Variants in NPFFR1 observed in about 807,000 individuals in gnomAD.
NPFFR1 encodes G-protein coupled receptor 147.
In NPFFR1, 17 loss-of-function variants were observed where a neutral mutation model predicts 12.7. The observed-to-expected ratio is 1.34, with a 90% CI of 0.92 to 2.01. The LOEUF (loss-of-function observed/expected upper bound fraction) is 2.01. Among genes scored for constraint, NPFFR1 ranks in the 30% most tolerant of loss-of-function variants. NPFFR1 has a pLI of 0.00. For synonymous variants in NPFFR1, 296 were observed against 264.5 expected, an observed-to-expected ratio of 1.12 and a Z score of -1.16; for missense variants, 604 against 606.5, an observed-to-expected ratio of 1.00 and a Z score of 0.04.
At chr10:70,266,437 G>C (rs916989616) in intron 1 of NPFFR1, 46 bp from the exon 2 acceptor site, 1 of 1,470,340 alleles carries the variant, frequency 6.8e-7, no homozygotes, top group South Asian at 1.3e-5. Context: ...GCAAAGAAGA[G>C]ATTACCGATT....
rs572308261 is a variant in NPFFR1 at position 70,266,895 on chromosome 10, G to T, written c.8-504C>A. On this transcript the variant is annotated intron_variant, in intron 1 of 3. Coordinates refer to ENST00000277942, the MANE Select transcript of NPFFR1 (RefSeq NM_022146.5). Reference sequence around the variant, plus strand: ...CTATAGCCACAGCCTGCTCCTATTGGGTGAGTCCCCTTTCATGGCTCTAGC... The same window carrying T: ...CTATAGCCACAGCCTGCTCCTATTGTGTGAGTCCCCTTTCATGGCTCTAGC... 1.3e-4 allele frequency among the ~76,000 whole-genome samples: 20 copies of T among 152,212 alleles called. No individual in the cohort carries two copies. The South Asian group carries it at 4.1e-3, about 32-fold the overall frequency.
chr10:70,259,286 C>G (rs538253029), intron 3 of NPFFR1, among the ~76,000 whole-genome samples: 4 of 148,308 alleles, frequency 2.7e-5, no homozygotes, highest in South Asian at 4.2e-4. Flanking sequence ...TCTGTCTCCC[C>G]CCTCAAAAAA....
At chr10:70,281,341 TCA>T (rs1840859931) in intron 1 of NPFFR1, among the ~76,000 whole-genome samples, 1 of 152,162 alleles carries the variant, frequency 6.6e-6, no homozygotes, top group Admixed American at 6.5e-5. Context: ...TGCACTTTTC[TCA>T]GAGTGTCCCC....
At chr10:70,268,284 ATG>A (rs1840716133) in intron 1 of NPFFR1, among the ~76,000 whole-genome samples, 1 of 152,258 alleles carries the variant, frequency 6.6e-6, no homozygotes, top group African/African-American at 2.4e-5. Context: ...ACATGAAAAA[ATG>A]TGGTTTCCAT....
At chr10:70,281,157 T>C (rs1465604545) in intron 1 of NPFFR1, among the ~76,000 whole-genome samples, 1 of 152,132 alleles carries the variant, frequency 6.6e-6, no homozygotes, top group Non-Finnish European at 1.5e-5. Flanking sequence ...GGTGAATGGT[T>C]CCTCAAATTT....
intron 1 of NPFFR1, among the ~76,000 whole-genome samples, chr10:70,277,037 A>C (rs1157563899): frequency 6.6e-6 from 1 of 152,200 alleles, no homozygotes; most frequent in Non-Finnish European, 1.5e-5. Context: ...GGGCCACTCA[A>C]TGATTGTAGT....
In NPFFR1 at chr10:70,269,069, T is replaced by C. The variant is rs1244524122; in HGVS notation, c.8-2678A>G. 3.3e-5 allele frequency among the ~76,000 whole-genome samples: 5 copies of C among 152,226 alleles called. No individual in the cohort carries two copies. In the East Asian group the frequency reaches 5.8e-4, roughly 18 times the overall value. The stretch of plus-strand genomic sequence containing the variant: ...CTGAGTGGTTGGTCTGTAGCACTTC[T>C]GCAGGCTGGATTTTTCTGATTGCTC... On this transcript the variant is annotated intron_variant, in intron 1 of 3. Coordinates refer to ENST00000277942, the MANE Select transcript of NPFFR1 (RefSeq NM_022146.5).
In NPFFR1 at chr10:70,283,654, C is replaced by T. The variant is rs1179713633; in HGVS notation, c.7+16G>A. 1.3e-6 allele frequency: 2 copies of T among 1,535,062 alleles called. No individual in the cohort carries two copies. Among genetic ancestry groups the T allele is most frequent in the South Asian group, 1.2e-5 (1 of 84,048 alleles). On this transcript the variant is annotated intron_variant, in intron 1 of 3. Coordinates refer to ENST00000277942, the MANE Select transcript of NPFFR1 (RefSeq NM_022146.5). ...ACCCTGCCCCACGGCTGGCCCCCAG[C>T]CCCAGGACCACTCACCCTCCATGAT...
intron 3 of NPFFR1, among the ~76,000 whole-genome samples, chr10:70,256,113 G>T (rs1484848113): frequency 5.6e-5 from 8 of 143,038 alleles, no homozygotes; most frequent in Non-Finnish European, 1.2e-4. Context: ...TCCTTCTGTC[G>T]CCCAGTCTGG....
rs546175882 is a variant in NPFFR1, at chr10:70,266,490, T to C, written c.8-99A>G. ...CCCTCTGTGTGCCAAACCTTAACCATGCCCTGGTCCCCCAAGCATGTCCCC... is the reference window on the plus strand; with the variant it reads ...CCCTCTGTGTGCCAAACCTTAACCACGCCCTGGTCCCCCAAGCATGTCCCC... On this transcript the variant is annotated intron_variant, in intron 1 of 3. Transcript: ENST00000277942. 2.4e-5 allele frequency: 23 copies of C among 960,634 alleles called. No individual in the cohort carries two copies. In the East Asian group the frequency reaches 4.7e-4, roughly 20 times the overall value. 59.5% of individuals were successfully genotyped at this position (960,634 alleles called of 1,614,324 possible).
At position 70,266,072 on chromosome 10, in the gene NPFFR1, C is replaced by T. The variant is rs1840685589; in HGVS notation, c.322+5G>A. On this transcript the variant is annotated splice_donor_5th_base_variant and intron_variant, in intron 2 of 3. Coordinates refer to ENST00000277942, the MANE Select transcript of NPFFR1 (RefSeq NM_022146.5). ...ACACTCCTGCTGCCAACTGCCCGCA[C>T]TCACCAGTGATGAGGTTGTCCACAA... 6.2e-7 allele frequency: 1 copy of T among 1,612,410 alleles called. No individual in the cohort carries two copies. The highest frequency in any genetic ancestry group is 1.7e-5 in the Admixed American group (1 of 59,974).
At position 70,255,955 on chromosome 10, in the gene NPFFR1, C is replaced by T. The variant is rs1589908949; in HGVS notation, c.423-128G>A. On this transcript the variant is annotated intron_variant, in intron 3 of 3. Transcript: ENST00000277942. The surrounding 1 kb of genome is among the most constrained non-coding windows in gnomAD (Gnocchi z 4.2). ...GGGCGGCGTCGAAGAACAGCTCAGA[C>T]CTGAATTGGCTGAGTAGTCAAAGAA... 13 of 972,164 alleles carry T rather than the reference C, an allele frequency of 1.3e-5. No individual in the cohort carries two copies. The East Asian group carries it at 2.6e-4, about 20-fold the overall frequency. 60.2% of individuals were successfully genotyped at this position (972,164 alleles called of 1,614,324 possible). A position where few individuals can be genotyped will look rare whatever the true frequency, so the allele number is the denominator to read the frequency against.
Position 70,255,471 on chromosome 10 carries a change from C to G in NPFFR1, c.779G>C (p.Arg260Pro), listed in dbSNP as rs548531274. The G allele has an allele frequency of 6.5e-7, 1 of 1,548,266 alleles. No individual in the cohort carries two copies. Among genetic ancestry groups the G allele is most frequent in the Admixed American group, 2.0e-5 (1 of 50,916 alleles). ...CACGCGCGCTCTGCGCCGCGATGCTCGCGGGTCCGCAGCCTCCTCGCCCCC... is the reference window on the plus strand; with the variant it reads ...CACGCGCGCTCTGCGCCGCGATGCTGGCGGGTCCGCAGCCTCCTCGCCCCC... ...APGGEEAADP[R>P]ASRRRARVVH... Residue 260 changes from arginine to proline, a missense_variant, in exon 4 of 4, where the codon CGA becomes CCA. Transcript: ENST00000277942. The surrounding 1 kb of genome is among the most constrained non-coding windows in gnomAD (Gnocchi z 4.2).
rs143319436 is a variant in NPFFR1 at position 70,254,623 on chromosome 10, A to G, written c.*334T>C. On this transcript the variant is annotated 3_prime_UTR_variant, in exon 4 of 4. Transcript: ENST00000277942. ...CTTCACATGCCATTTCCACCTGAGA[A>G]ACTTGGGTGAGTCACATCTCTCCAG... The G allele has an allele frequency of 4.2e-3, 1,143 of 273,280 alleles. 6 individuals are homozygous for G. Among genetic ancestry groups the G allele is most frequent in the African/African-American group, 0.023 (1,074 of 45,866 alleles). The allele number at this position is 273,280 out of a possible 1,614,324, so 16.9% of individuals were successfully genotyped here.
chr10:70,282,122 G>A (rs1393682439), intron 1 of NPFFR1, among the ~76,000 whole-genome samples: 1 of 152,130 alleles, frequency 6.6e-6, no homozygotes, highest in African/African-American at 2.4e-5. Context: ...ATACCTCTGG[G>A]TCGCTGGGAT....
chr10:70,255,833 G>A lies in NPFFR1; in HGVS notation c.423-6C>T. 2 of 1,601,966 alleles carry A rather than the reference G, an allele frequency of 1.2e-6. No homozygotes were observed. The highest frequency in any genetic ancestry group is 1.7e-4 in the Middle Eastern group (1 of 5,788). ...GGTGCACGATGCAGCGGAACCTGCC[G>A]CGGGGAGAGAGACAGGCGGGATCTG... On this transcript the variant is annotated splice_region_variant and splice_polypyrimidine_tract_variant and intron_variant, in intron 3 of 3. Coordinates refer to ENST00000277942, the MANE Select transcript of NPFFR1 (RefSeq NM_022146.5). The surrounding 1 kb of genome is among the most constrained non-coding windows in gnomAD (Gnocchi z 4.2).
chr10:70,255,339 T>A lies in NPFFR1; in HGVS notation c.911A>T (p.His304Leu). The A allele has an allele frequency of 6.4e-7, 1 of 1,574,398 alleles. No individual in the cohort carries two copies. The highest frequency in any genetic ancestry group is 8.6e-7 in the Non-Finnish European group (1 of 1,164,366). ...GGGGAAGGCGTAGACGGTGACCAGG[T>A]GCAGCTGCGGCGCGCTGAGCTGCCC... ...DYGQLSAPQL[H>L]LVTVYAFPFA... The change falls in exon 4 of 4, where the codon CAC becomes CTC. Residue 304 changes from histidine to leucine, a missense_variant. Physicochemically the swap from His to Leu is moderately conservative, Grantham distance 99 (BLOSUM62 -3). Transcript: ENST00000277942. The surrounding 1 kb of genome is among the most constrained non-coding windows in gnomAD (Gnocchi z 4.2).
rs1044368713 is a variant in NPFFR1 at position 70,253,574 on chromosome 10, A to G, written c.*1383T>C. ...TGGAGAATGTATTGTACAACTGCTT[A>G]GGAATTTTCTTCTGCCCCTAAACCT... On this transcript the variant is annotated 3_prime_UTR_variant, in exon 4 of 4. Coordinates refer to ENST00000277942, the MANE Select transcript of NPFFR1 (RefSeq NM_022146.5). 4 of 152,240 alleles carry G rather than the reference A, an allele frequency of 2.6e-5. No individual in the cohort carries two copies. The highest frequency in any genetic ancestry group is 9.6e-5 in the African/African-American group (4 of 41,466). 9.4% of individuals were successfully genotyped at this position (152,240 alleles called of 1,614,324 possible). A position where few individuals can be genotyped will look rare whatever the true frequency, so the allele number is the denominator to read the frequency against.
At position 70,255,701 on chromosome 10, in the gene NPFFR1, GGTGACGGTCAGC is replaced by G. The variant is rs754219436; in HGVS notation, c.537_548del (p.Leu180_Thr183del). 1.2e-6 allele frequency: 2 copies of G among 1,607,220 alleles called. No individual in the cohort carries two copies. Among genetic ancestry groups the G allele is most frequent in the South Asian group, 2.2e-5 (2 of 89,628 alleles). ...CCACCATGAAGTGGTGCTCCTCACG[GGTGACGGTCAGC>G]GTGACGGCCGAGGGACACATGATGA... is the stretch of plus-strand genomic sequence containing the variant. On this transcript the variant is annotated inframe_deletion, in exon 4 of 4. Transcript: ENST00000277942. The surrounding 1 kb of genome is among the most constrained non-coding windows in gnomAD (Gnocchi z 4.2).
Sources: gnomAD v4.1 joint callset for allele counts (sites outside exome capture counted in the v4.1 genomes callset) on GRCh38, gnomAD v4.1.1 for gene constraint, Gnocchi (gnomAD v3.1) non-coding constraint, MANE v1.5 for transcripts, NCBI Gene and HGNC (gene_info 2026-07-23, HGNC 2026-07-21) for gene names.